The following SETD3 variants were observed in gnomAD, a reference collection of about 807,000 sequenced individuals.
The protein encoded by SETD3 is actin-histidine N-methyltransferase.
SETD3 carries 19 observed loss-of-function variants against 63.0 expected under a neutral mutation model. That is an observed-to-expected ratio of 0.30 (90% confidence interval 0.21 to 0.44). The LOEUF (loss-of-function observed/expected upper bound fraction) is 0.44, where lower values mean the gene tolerates loss of function less well. Ranked by LOEUF, SETD3 falls within the 20% of genes least tolerant of loss-of-function variation. The pLI is 1.00. For synonymous variants in SETD3, 286 were observed against 264.1 expected (o/e 1.08, Z -0.80); for missense variants, 587 against 728.5 (o/e 0.81, Z 2.24).
At chr14:99,469,243 C>A (rs1895564095) in intron 1 of SETD3, among the ~76,000 whole-genome samples, 1 of 152,098 alleles carries the variant, frequency 6.6e-6, no homozygotes, top group African/African-American at 2.4e-5. Context: ...CAAAACACAC[C>A]AGTACATTAG....
At chr14:99,431,697 G>C (rs1893191841) in intron 6 of SETD3, among the ~76,000 whole-genome samples, 1 of 151,934 alleles carries the variant, frequency 6.6e-6, no homozygotes, top group South Asian at 2.1e-4. Context: ...TCCATTGTTG[G>C]CCAGGCTGGT....
At chr14:99,406,016 CG>C (rs1566873545) in intron 9 of SETD3, among the ~76,000 whole-genome samples, 1 of 152,026 alleles carries the variant, frequency 6.6e-6, no homozygotes, top group Non-Finnish European at 1.5e-5. Context: ...TTTATAGACA[CG>C]TATTTTCAAA....
At chr14:99,443,364 G>T (rs999163860) in intron 6 of SETD3, among the ~76,000 whole-genome samples, 1 of 146,698 alleles carries the variant, frequency 6.8e-6, no homozygotes, top group African/African-American at 2.6e-5. Context: ...CGATTCTCCT[G>T]CCTCAGCCTC....
the SETD3 span, among the ~76,000 whole-genome samples, chr14:99,485,973 A>G: frequency 6.6e-6 from 1 of 152,238 alleles, no homozygotes; most frequent in South Asian, 2.1e-4. Flanking sequence ...TTTTATTTAT[A>G]TGTGTATATA....
chr14:99,464,927 G>A (rs1335082293), intron 2 of SETD3, among the ~76,000 whole-genome samples: 2 of 152,072 alleles, frequency 1.3e-5, no homozygotes, highest in East Asian at 1.9e-4. Flanking sequence ...AGGATCTCTC[G>A]AGCCCAAGAG....
At chr14:99,458,987 A>T in intron 5 of SETD3, 126 bp downstream of exon 5, 1 of 614,556 alleles carries the variant, frequency 1.6e-6, no homozygotes, top group Non-Finnish European at 2.9e-6. Flanking sequence ...AAAACACTTA[A>T]TGCATATTTG....
At chr14:99,468,945 G>T (rs752529728) in intron 1 of SETD3, among the ~76,000 whole-genome samples, 1 of 152,174 alleles carries the variant, frequency 6.6e-6, no homozygotes, top group Non-Finnish European at 1.5e-5. Context: ...CCAGGGAAGA[G>T]CATCTGCACA....
At chr14:99,399,749 T>A (rs1331369286) in intron 12 of SETD3, among the ~76,000 whole-genome samples, 5 of 138,888 alleles carry the variant, frequency 3.6e-5, no homozygotes, top group Non-Finnish European at 4.7e-5. Context: ...AAATTTTTTT[T>A]TTTTTTTTTT....
intron 1 of SETD3, among the ~76,000 whole-genome samples, chr14:99,469,049 C>T (rs186434417): frequency 6.6e-6 from 1 of 152,304 alleles, no homozygotes; most frequent in South Asian, 2.1e-4. Context: ...TCCTGCTCCG[C>T]GTGACAGACC....
chr14:99,405,542 C>T (rs1293143367), intron 9 of SETD3, among the ~76,000 whole-genome samples, 171 bp from the exon 10 acceptor site: 1 of 152,116 alleles, frequency 6.6e-6, no homozygotes, highest in Non-Finnish European at 1.5e-5. Flanking sequence ...GCAATTTTCC[C>T]AACTTTCCAA....
chr14:99,444,937 A>G (rs1435815070), intron 6 of SETD3, among the ~76,000 whole-genome samples: 1 of 152,196 alleles, frequency 6.6e-6, no homozygotes, highest in African/African-American at 2.4e-5. Context: ...TAAAAATAAG[A>G]GAAGTAAAGT....
At chr14:99,444,249 A>C (rs1302573693) in intron 6 of SETD3, 1 of 152,222 alleles carries the variant, frequency 6.6e-6, no homozygotes, top group East Asian at 1.9e-4. Flanking sequence ...TTAGATTACA[A>C]GGGCACTTTT....
intron 6 of SETD3, among the ~76,000 whole-genome samples, chr14:99,451,304 C>T (rs1894446391): frequency 6.6e-6 from 1 of 152,174 alleles, no homozygotes; most frequent in African/African-American, 2.4e-5. Flanking sequence ...CGGCCTTCCA[C>T]CATGAGCCCT....
At chr14:99,466,486 G>A (rs1277023961) in intron 1 of SETD3, among the ~76,000 whole-genome samples, 3 of 152,208 alleles carry the variant, frequency 2.0e-5, no homozygotes, top group African/African-American at 7.2e-5. Context: ...ATTTTCACAC[G>A]CAGATGAGAC....
chr14:99,443,201 T>C (rs1355813851), intron 6 of SETD3, among the ~76,000 whole-genome samples: 1 of 150,692 alleles, frequency 6.6e-6, no homozygotes, highest in Non-Finnish European at 1.5e-5. Flanking sequence ...AAAACAAAAA[T>C]AAAACAACCT....
chr14:99,440,942 T>C lies in SETD3; in HGVS notation c.675+17337A>G, dbSNP rs185089925. 1.4e-4 allele frequency among the ~76,000 whole-genome samples: 21 copies of C among 152,282 alleles called. No homozygotes were observed. In the East Asian group the frequency reaches 3.9e-3, roughly 28 times the overall value. ...ATCTGATAAATTCCTCCCTGTGAAT[T>C]TCACTTCTCAGAAGACAAAGAAAGG... On this transcript the variant is annotated intron_variant, in intron 6 of 12. Transcript: ENST00000331768.
At chr14:99,444,386 C>CA (rs1461666791) in intron 6 of SETD3, 1 of 152,216 alleles carries the variant, frequency 6.6e-6, no homozygotes, top group Non-Finnish European at 1.5e-5. Flanking sequence ...GGATGACACA[C>CA]AAACTAGTGA....
chr14:99,405,288 T>C lies in SETD3; in HGVS notation c.1008A>G (p.Arg336=), dbSNP rs1891620025. 7.4e-6 allele frequency: 12 copies of C among 1,614,170 alleles called. No individual in the cohort carries two copies. Among genetic ancestry groups the C allele is most frequent in the Non-Finnish European group, 1.0e-5 (12 of 1,180,016 alleles). ...GFFFDNNSHD[R]VKIKLGVSKS... is the part of the protein sequence containing the mutation. Reference sequence around the variant, plus strand: ...TACTCACTCCAAGCTTTATTTTCACTCTGTCGTGTGAGTTATTGTCAAAGA... The same window carrying C: ...TACTCACTCCAAGCTTTATTTTCACCCTGTCGTGTGAGTTATTGTCAAAGA... The change falls in exon 10 of 13, where the codon AGA becomes AGG. Residue 336 remains arginine (R), a synonymous_variant. Transcript: ENST00000331768.
At chr14:99,413,769 C>T (rs1198256006) in intron 7 of SETD3, 107 bp downstream of exon 7, 4 of 1,003,738 alleles carry the variant, frequency 4.0e-6, no homozygotes, top group Middle Eastern at 2.3e-4. Context: ...GATGCTTTAA[C>T]GGTCACAGCA....
Sources: allele counts gnomAD v4.1 joint callset (sites outside exome capture counted in the v4.1 genomes callset), GRCh38; gene constraint gnomAD v4.1.1; transcripts MANE v1.5; gene names NCBI Gene and HGNC (gene_info 2026-07-23, HGNC 2026-07-21).